Variants in AGBL4 observed in about 807,000 individuals in gnomAD.
AGBL4 encodes cytosolic carboxypeptidase 6.
AGBL4 carries 58 observed loss-of-function variants against 66.4 expected under a neutral mutation model. That is an observed-to-expected ratio of 0.87 (90% CI 0.71 to 1.09). The LOEUF is 1.09. AGBL4 is among the 50% of genes least tolerant of loss of function. The probability of loss-of-function intolerance (pLI) is 0.00; values close to 1 mark genes in which losing one functional copy is unlikely to be tolerated. For synonymous variants in AGBL4, 234 were observed against 222.9 expected, an observed-to-expected ratio of 1.05 and a Z score of -0.44; for missense variants, 579 against 631.0, an observed-to-expected ratio of 0.92 and a Z score of 0.88.
intron 4 of AGBL4, among the ~76,000 whole-genome samples, chr1:49,086,702 A>T (rs1644913774): frequency 6.6e-6 from 1 of 151,970 alleles, no homozygotes; most frequent in African/African-American, 2.4e-5. Context: ...TCTTGTAGCC[A>T]GATGGGCCAC....
intron 6 of AGBL4, among the ~76,000 whole-genome samples, chr1:48,686,636 TAC>T (rs1231401598): frequency 6.6e-6 from 1 of 152,172 alleles, no homozygotes; most frequent in African/African-American, 2.4e-5. Context: ...TAGCTCTTTC[TAC>T]CCAGCCAGGG....
chr1:48,857,571 A>G (rs145264791), intron 6 of AGBL4, among the ~76,000 whole-genome samples: 1 of 152,078 alleles, frequency 6.6e-6, no homozygotes, highest in Non-Finnish European at 1.5e-5. Context: ...AATACAAAAA[A>G]TTAGCCGGGT....
chr1:48,689,451 TC>T (rs1646593240), intron 6 of AGBL4, among the ~76,000 whole-genome samples: 2 of 107,800 alleles, frequency 1.9e-5, no homozygotes, highest in African/African-American at 6.3e-5. Context: ...CCTCCCTCCC[TC>T]CCTCCCTCCT....
At chr1:49,381,260 G>A (rs1644601337) in intron 3 of AGBL4, among the ~76,000 whole-genome samples, 1 of 152,120 alleles carries the variant, frequency 6.6e-6, no homozygotes, top group Non-Finnish European at 1.5e-5. Context: ...CACCATCACT[G>A]GCCATCAGAG....
At chr1:49,744,295 T>C (rs2147817937) in intron 2 of AGBL4, among the ~76,000 whole-genome samples, 1 of 148,240 alleles carries the variant, frequency 6.7e-6, no homozygotes, top group Non-Finnish European at 1.5e-5. Flanking sequence ...ATCTCCACCC[T>C]CTCTCTCTCT....
At chr1:48,909,664 G>GA (rs929537809) in intron 5 of AGBL4, among the ~76,000 whole-genome samples, 6 of 151,982 alleles carry the variant, frequency 3.9e-5, no homozygotes, top group Non-Finnish European at 2.9e-5. Flanking sequence ...ACTTGCTCGG[G>GA]AAAAAAACAG....
At chr1:49,653,084 C>T (rs566800677) in intron 3 of AGBL4, among the ~76,000 whole-genome samples, 1 of 152,118 alleles carries the variant, frequency 6.6e-6, no homozygotes, top group Admixed American at 6.5e-5. Flanking sequence ...GGTCAGTGAC[C>T]CTCTGAGACA....
intron 3 of AGBL4, among the ~76,000 whole-genome samples, chr1:49,264,034 C>G (rs1284248819): frequency 6.6e-6 from 1 of 151,852 alleles, no homozygotes; most frequent in Non-Finnish European, 1.5e-5. Context: ...CATTTTAACA[C>G]AAAACAGTAG....
At chr1:48,770,648 C>T (rs1644770533) in intron 6 of AGBL4, among the ~76,000 whole-genome samples, 1 of 152,182 alleles carries the variant, frequency 6.6e-6, no homozygotes, top group Admixed American at 6.5e-5. Flanking sequence ...CTGACATATC[C>T]ACCCAGATGT....
intron 2 of AGBL4, among the ~76,000 whole-genome samples, chr1:49,769,495 C>T (rs1390259698): frequency 6.6e-6 from 1 of 152,036 alleles, no homozygotes; most frequent in Admixed American, 6.5e-5. Flanking sequence ...CAAAAAAGCG[C>T]CTGAATAGCC....
chr1:49,280,053 C>T (rs531096827), intron 3 of AGBL4, among the ~76,000 whole-genome samples: 12 of 152,210 alleles, frequency 7.9e-5, no homozygotes, highest in Admixed American at 1.3e-4. Context: ...ATTGGCCTTT[C>T]GAGATATCTT....
intron 1 of AGBL4, among the ~76,000 whole-genome samples, chr1:49,877,374 G>C (rs1292837494): frequency 2.0e-5 from 3 of 152,036 alleles, no homozygotes; most frequent in East Asian, 3.9e-4. Flanking sequence ...TTGAAGGGTT[G>C]TTGAATTCTG....
intron 2 of AGBL4, among the ~76,000 whole-genome samples, chr1:49,802,213 C>G (rs1644876976): frequency 6.6e-6 from 1 of 152,096 alleles, no homozygotes; most frequent in Non-Finnish European, 1.5e-5. Flanking sequence ...GTTCATAGCT[C>G]TGGGAATGGA....
At chr1:49,707,513 C>T (rs1404442996) in intron 2 of AGBL4, among the ~76,000 whole-genome samples, 1 of 151,814 alleles carries the variant, frequency 6.6e-6, no homozygotes, top group African/African-American at 2.4e-5. Flanking sequence ...TCTAATTTGC[C>T]AATCTGTGTC....
intron 4 of AGBL4, among the ~76,000 whole-genome samples, chr1:49,176,871 A>G (rs1364944915): frequency 1.3e-5 from 2 of 152,056 alleles, no homozygotes; most frequent in Admixed American, 6.6e-5. Context: ...TATAATGTTT[A>G]TGGAAAAGTT....
chr1:49,026,528 G>T (rs1259965806), intron 5 of AGBL4, among the ~76,000 whole-genome samples: 1 of 152,174 alleles, frequency 6.6e-6, no homozygotes, highest in Admixed American at 6.5e-5. Flanking sequence ...AAGGGCATTT[G>T]CACTGGGCCA....
At chr1:48,733,298 G>A (rs919781409) in intron 6 of AGBL4, among the ~76,000 whole-genome samples, 5 of 152,054 alleles carry the variant, frequency 3.3e-5, no homozygotes, top group Non-Finnish European at 5.9e-5. Flanking sequence ...AAGGCAGGTG[G>A]ACTGAAATCC....
intron 2 of AGBL4, among the ~76,000 whole-genome samples, chr1:49,709,547 ACAAAAGCAATGGCAAACAC>A (rs1266211363): frequency 6.6e-6 from 1 of 152,182 alleles, no homozygotes. Context: ...AGCAATGGCA[ACAAAAGCAATGGCAAACAC>A]CAAAAGCAAT....
At chr1:48,586,593 T>G in intron 11 of AGBL4, 1 of 191,360 alleles carries the variant, frequency 5.2e-6, no homozygotes. Flanking sequence ...AAAGAGAACA[T>G]ATGTTTTTGT....
Sources: gnomAD v4.1 joint callset for allele counts (sites outside exome capture counted in the v4.1 genomes callset) on GRCh38, gnomAD v4.1.1 for gene constraint, MANE v1.5 for transcripts, NCBI Gene and HGNC (gene_info 2026-07-23, HGNC 2026-07-21) for gene names.